Variants in GSAP observed in about 807,000 individuals in gnomAD.
GSAP encodes the protein gamma-secretase activating protein.
In GSAP, 118 loss-of-function variants were observed where a neutral mutation model predicts 131.7. The ratio of observed to expected loss-of-function variants is 0.90; its 90% CI spans 0.77 to 1.04. The LOEUF is 1.04. Ranked by LOEUF, GSAP falls within the 50% of genes least tolerant of loss-of-function variation. The probability of loss-of-function intolerance (pLI) is 0.00; values close to 1 mark genes in which losing one functional copy is unlikely to be tolerated. For missense variants in GSAP, 1,019 were observed against 1,013.2 expected (o/e 1.01, Z -0.08); for synonymous variants, 381 against 363.4 (o/e 1.05, Z -0.55).
intron 5 of GSAP, among the ~76,000 whole-genome samples, chr7:77,388,813 G>A (rs970765059): frequency 6.6e-6 from 1 of 152,156 alleles, no homozygotes; most frequent in Non-Finnish European, 1.5e-5. Context: ...CCTAACAACT[G>A]GAAGGTCTGG....
intron 14 of GSAP, 111 bp from the exon 15 acceptor site, chr7:77,355,758 C>A: frequency 4.9e-6 from 3 of 608,714 alleles, no homozygotes; most frequent in Non-Finnish European, 5.9e-6. Context: ...AAAGTTTTAC[C>A]AATGTAATAA....
At chr7:77,362,439 T>C (rs1794667513) in intron 13 of GSAP, 144 bp downstream of exon 13, 1 of 606,068 alleles carries the variant, frequency 1.6e-6, no homozygotes, top group African/African-American at 1.9e-5. Flanking sequence ...GTGAGCAGTA[T>C]TCATGCCACC....
chr7:77,396,580 G>T (rs1800433442), intron 5 of GSAP, among the ~76,000 whole-genome samples: 1 of 152,158 alleles, frequency 6.6e-6, no homozygotes, highest in African/African-American at 2.4e-5. Context: ...CTTGGCAAAT[G>T]AGCAGAATTA....
intron 12 of GSAP, among the ~76,000 whole-genome samples, chr7:77,364,176 C>G (rs1330079134): frequency 6.6e-6 from 1 of 152,042 alleles, no homozygotes; most frequent in Non-Finnish European, 1.5e-5. Context: ...ACACAATTCT[C>G]AAATAGTAGT....
At position 77,330,290 on chromosome 7, in the gene GSAP, G is replaced by C; in HGVS notation, c.1623C>G (p.His541Gln). The part of the protein sequence containing the change: ...EYVKYAKPHF[H>Q]YNNSVVRREW... ...CTCTCCTGACCACACTGTTGTTATA[G>C]TGGAAGTGTGGCTTGGCGTACTTAA... The change falls in exon 20 of 31, where the codon CAC (histidine) becomes CAG (glutamine). Residue 541 changes from histidine (H) to glutamine (Q), a missense_variant. Coordinates refer to ENST00000257626, the MANE Select transcript of GSAP (RefSeq NM_017439.4). 1 of 1,613,762 alleles carries C rather than the reference G, an allele frequency of 6.2e-7. No individual in the cohort carries two copies. The highest frequency in any genetic ancestry group is 8.5e-7 in the Non-Finnish European group (1 of 1,179,724).
rs140544734 is a variant in GSAP at position 77,408,897 on chromosome 7, G to A, written c.110-2792C>T. Among the ~76,000 whole-genome samples, 721 of 152,056 alleles carry A rather than the reference G, an allele frequency of 4.7e-3. 20 individuals are homozygous for A. The highest frequency in any genetic ancestry group is 0.042 in the Admixed American group (646 of 15,254). On this transcript the variant is annotated intron_variant, in intron 1 of 30. Transcript: ENST00000257626. ...ACAAGATAAAAAATAAGGATAATTGGTGAGCTGGACACCTGCACTGGAGCT... is the reference window on the plus strand; with the variant it reads ...ACAAGATAAAAAATAAGGATAATTGATGAGCTGGACACCTGCACTGGAGCT...
At chr7:77,357,552 T>C (rs866968069) in intron 14 of GSAP, among the ~76,000 whole-genome samples, 44 of 151,970 alleles carry the variant, frequency 2.9e-4, no homozygotes, top group African/African-American at 9.2e-4. Context: ...ATCTTTTGGG[T>C]TCCCTGGGCC....
At chr7:77,391,891 T>C (rs1193736382) in intron 5 of GSAP, among the ~76,000 whole-genome samples, 1 of 152,058 alleles carries the variant, frequency 6.6e-6, no homozygotes, top group East Asian at 1.9e-4. Flanking sequence ...TACAATCCCT[T>C]TCAGCCATAA....
intron 19 of GSAP, among the ~76,000 whole-genome samples, chr7:77,342,290 T>C (rs1791086738): frequency 6.6e-6 from 1 of 152,128 alleles, no homozygotes; most frequent in Non-Finnish European, 1.5e-5. Context: ...CACTCCACAT[T>C]ACCTTCTTTT....
chr7:77,355,770 C>T (rs1457859845), intron 14 of GSAP, 123 bp from the exon 15 acceptor site: 5 of 565,680 alleles, frequency 8.8e-6, no homozygotes, highest in Non-Finnish European at 1.6e-5. Flanking sequence ...ATGTAATAAG[C>T]TATCTAATGA....
rs202199125 is a variant in GSAP, at chr7:77,314,363, T to A, written c.2209+7A>T. Reference sequence around the variant, plus strand: ...ACTAGCACTCTGGCAAACTCAGGGCTTCTTACCTTTCATGAGCCTTATGAC... The same window carrying A: ...ACTAGCACTCTGGCAAACTCAGGGCATCTTACCTTTCATGAGCCTTATGAC... On this transcript the variant is annotated splice_region_variant and intron_variant, in intron 27 of 30. Transcript: ENST00000257626. 3.5e-4 allele frequency: 569 copies of A among 1,613,394 alleles called. No individual in the cohort carries two copies. Among genetic ancestry groups the A allele is most frequent in the Non-Finnish European group, 4.6e-4 (538 of 1,179,702 alleles).
chr7:77,401,134 T>C (rs917061577), intron 3 of GSAP, among the ~76,000 whole-genome samples: 3 of 151,510 alleles, frequency 2.0e-5, no homozygotes, highest in African/African-American at 7.3e-5. Flanking sequence ...TCAGAGTCCA[T>C]AAAAAGAAAA....
At position 77,329,408 on chromosome 7, in the gene GSAP, G is replaced by A. The variant is rs140075923; in HGVS notation, c.1675-17C>T. On this transcript the variant is annotated splice_polypyrimidine_tract_variant and intron_variant, in intron 20 of 30. Transcript: ENST00000257626. Reference sequence around the variant, plus strand: ...TCCTGTTTTCTAGGAGTGAGAACACGTCAGAAATGTGGAAGGTAAAGGTTT... The same window carrying A: ...TCCTGTTTTCTAGGAGTGAGAACACATCAGAAATGTGGAAGGTAAAGGTTT... The A allele has an allele frequency of 6.1e-3, 9,268 of 1,507,764 alleles. 33 individuals carry two copies. The highest frequency in any genetic ancestry group is 7.3e-3 in the Non-Finnish European group (8,078 of 1,099,346). The allele number at this position is 1,507,764 out of a possible 1,614,324, so 93.4% of individuals were successfully genotyped here.
rs374870565 is a variant in GSAP, at chr7:77,313,513, A to T, written c.2246T>A (p.Phe749Tyr). The T allele has an allele frequency of 1.1e-5, 17 of 1,573,530 alleles. No homozygotes were observed. Among genetic ancestry groups the T allele is most frequent in the Non-Finnish European group, 1.5e-5 (17 of 1,144,270 alleles). The change falls in exon 28 of 31, where the codon TTC becomes TAC. Residue 749 changes from phenylalanine (F) to tyrosine (Y), a missense_variant. Transcript: ENST00000257626. Reference sequence around the variant, plus strand: ...CGGAGGAAGCCGCACAATGATACTGAATTTCAGTTTTTCATTTTTCTCTGT... The same window carrying T: ...CGGAGGAAGCCGCACAATGATACTGTATTTCAGTTTTTCATTTTTCTCTGT... Reference protein sequence around the residue: ...DNTEKNEKLKFSIIVRLPPLI... With the variant: ...DNTEKNEKLKYSIIVRLPPLI...
intron 12 of GSAP, among the ~76,000 whole-genome samples, chr7:77,364,100 T>A (rs1053264738): frequency 3.9e-5 from 6 of 152,262 alleles, no homozygotes; most frequent in African/African-American, 1.4e-4. Context: ...CAAGGTACCA[T>A]AATTTTCCTT....
intron 12 of GSAP, among the ~76,000 whole-genome samples, chr7:77,366,474 C>A (rs1795335880): frequency 6.6e-6 from 1 of 152,180 alleles, no homozygotes; most frequent in African/African-American, 2.4e-5. Context: ...TATCCCAACA[C>A]CATTTATTGA....
chr7:77,395,951 T>C (rs1800307955), intron 5 of GSAP, among the ~76,000 whole-genome samples: 1 of 152,186 alleles, frequency 6.6e-6, no homozygotes, highest in Non-Finnish European at 1.5e-5. Context: ...TGACAAATGG[T>C]AATCACAGGC....
At chr7:77,395,935 AG>A (rs1800304929) in intron 5 of GSAP, among the ~76,000 whole-genome samples, 1 of 152,270 alleles carries the variant, frequency 6.6e-6, no homozygotes, top group Non-Finnish European at 1.5e-5. Context: ...CCACTAGGCC[AG>A]AAGTTGACAA....
At chr7:77,395,629 G>C (rs1039571017) in intron 5 of GSAP, among the ~76,000 whole-genome samples, 12 of 152,056 alleles carry the variant, frequency 7.9e-5, no homozygotes, top group African/African-American at 2.9e-4. Flanking sequence ...TGAGATTTCA[G>C]ATGAGCCTCC....
Sources: gnomAD v4.1 joint callset for allele counts (sites outside exome capture counted in the v4.1 genomes callset) on GRCh38, gnomAD v4.1.1 for gene constraint, MANE v1.5 for transcripts, NCBI Gene and HGNC (gene_info 2026-07-23, HGNC 2026-07-21) for gene names.